FRMD6: variants seen among roughly 807,000 people sequenced by gnomAD.
The protein encoded by FRMD6 is FERM domain-containing protein 6.
A neutral mutation model predicts 73.2 loss-of-function variants in FRMD6; 37 were observed. The ratio of observed to expected loss-of-function variants is 0.51; its 90% CI spans 0.39 to 0.66. FRMD6 has a LOEUF of 0.66. FRMD6 is among the 30% of genes least tolerant of loss of function. The pLI is 0.00. For missense variants in FRMD6, 714 were observed against 780.5 expected, an observed-to-expected ratio of 0.91 and a Z score of 1.02; for synonymous variants, 273 against 282.2, an observed-to-expected ratio of 0.97 and a Z score of 0.33.
chr14:51,683,236 T>C (rs1305012720), intron 1 of FRMD6, among the ~76,000 whole-genome samples: 2 of 152,202 alleles, frequency 1.3e-5, no homozygotes, highest in Non-Finnish European at 2.9e-5. Flanking sequence ...GTTGTAGATA[T>C]TCCTTCTCAT....
chr14:51,609,036 A>G (rs1355434922), intron 2 of FRMD6, among the ~76,000 whole-genome samples: 1 of 152,084 alleles, frequency 6.6e-6, no homozygotes, highest in Admixed American at 6.5e-5. Context: ...TAAATTTTTG[A>G]TGTCATCAAT....
At chr14:51,512,635 GA>G (rs544273868) in intron 1 of FRMD6, among the ~76,000 whole-genome samples, 170 of 151,474 alleles carry the variant, frequency 1.1e-3, no homozygotes, top group Non-Finnish European at 2.0e-3. Flanking sequence ...TTTTGTGGGG[GA>G]TGGATAAAAA....
chr14:51,483,325 A>G, the FRMD6 span, among the ~76,000 whole-genome samples: 4 of 152,348 alleles, frequency 2.6e-5, no homozygotes, highest in Middle Eastern at 0.01. Flanking sequence ...TGGGGAGACC[A>G]GCAGTACACA....
intron 1 of FRMD6, among the ~76,000 whole-genome samples, chr14:51,663,770 G>A (rs1594686567): frequency 6.6e-6 from 1 of 152,154 alleles, no homozygotes; most frequent in African/African-American, 2.4e-5. Context: ...TTAAAAAAAG[G>A]AAGTTCATTT....
chr14:51,619,047 TC>T (rs1351635501), intron 2 of FRMD6, among the ~76,000 whole-genome samples: 3 of 151,954 alleles, frequency 2.0e-5, no homozygotes, highest in African/African-American at 7.2e-5. Flanking sequence ...GATTTAGAAT[TC>T]CCTTAACTGT....
chr14:51,418,269 G>A, the FRMD6 span, among the ~76,000 whole-genome samples: 1 of 152,116 alleles, frequency 6.6e-6, no homozygotes, highest in Admixed American at 6.6e-5. Flanking sequence ...TTCTGCTCTG[G>A]TTTCTCCCCA....
intron 1 of FRMD6, among the ~76,000 whole-genome samples, chr14:51,672,575 C>G (rs1407190923): frequency 6.6e-6 from 1 of 152,150 alleles, no homozygotes; most frequent in South Asian, 2.1e-4. Context: ...CACTAGGTGG[C>G]TGGTATTATT....
intron 1 of FRMD6, among the ~76,000 whole-genome samples, chr14:51,567,307 A>G (rs964081293): frequency 9.2e-5 from 14 of 152,212 alleles, no homozygotes; most frequent in African/African-American, 3.4e-4. Context: ...GGTTACCAGT[A>G]TGAGACTTCT....
At chr14:51,548,499 C>A (rs1432921186) in intron 1 of FRMD6, among the ~76,000 whole-genome samples, 1 of 152,150 alleles carries the variant, frequency 6.6e-6, no homozygotes, top group African/African-American at 2.4e-5. Flanking sequence ...GTAATTAGCT[C>A]TGGATCCCTT....
the FRMD6 span, among the ~76,000 whole-genome samples, chr14:51,480,127 A>G: frequency 1.3e-5 from 2 of 152,196 alleles, no homozygotes; most frequent in African/African-American, 4.8e-5. Context: ...AGCTATAATC[A>G]GGGCTTGGCT....
intron 1 of FRMD6, among the ~76,000 whole-genome samples, chr14:51,549,757 G>A (rs533503662): frequency 2.6e-5 from 4 of 151,928 alleles, no homozygotes; most frequent in South Asian, 4.2e-4. Flanking sequence ...CGCCTCGCCC[G>A]GCTAGTTTTT....
At chr14:51,522,004 G>A (rs183054208) in intron 1 of FRMD6, among the ~76,000 whole-genome samples, 48 of 152,090 alleles carry the variant, frequency 3.2e-4, no homozygotes, top group Non-Finnish European at 4.7e-4. Flanking sequence ...TGAAAATGTG[G>A]GTATAGAATG....
the FRMD6 span, among the ~76,000 whole-genome samples, chr14:51,457,618 C>T: frequency 6.6e-6 from 1 of 152,126 alleles, no homozygotes; most frequent in Non-Finnish European, 1.5e-5. Context: ...CTAAGATGCC[C>T]CAGTTATACA....
chr14:51,591,763 A>G, intron 2 of FRMD6, among the ~76,000 whole-genome samples: 1 of 152,094 alleles, frequency 6.6e-6, no homozygotes, highest in East Asian at 1.9e-4. Flanking sequence ...GGCTGGTCTC[A>G]AACTCCTGAC....
intron 2 of FRMD6, among the ~76,000 whole-genome samples, chr14:51,629,502 G>T (rs1292486966): frequency 6.6e-6 from 1 of 152,128 alleles, no homozygotes; most frequent in Admixed American, 6.5e-5. Context: ...GGTTCCAGTT[G>T]TTCCACATCC....
chr14:51,543,022 T>C (rs1270831580), intron 1 of FRMD6, among the ~76,000 whole-genome samples: 1 of 152,042 alleles, frequency 6.6e-6, no homozygotes, highest in Non-Finnish European at 1.5e-5. Flanking sequence ...AAATATTTTC[T>C]CCCATTCTAT....
chr14:51,658,440 C>G (rs1181197688), intron 1 of FRMD6, among the ~76,000 whole-genome samples: 1 of 152,062 alleles, frequency 6.6e-6, no homozygotes, highest in African/African-American at 2.4e-5. Context: ...CATAAATGAT[C>G]TAGGATGGAC....
At chr14:51,460,910 T>C in the FRMD6 span, among the ~76,000 whole-genome samples, 1 of 152,190 alleles carries the variant, frequency 6.6e-6, no homozygotes, top group Non-Finnish European at 1.5e-5. Context: ...ATTTTTCTTT[T>C]AGTAATTTAT....
intron 2 of FRMD6, among the ~76,000 whole-genome samples, chr14:51,693,790 G>A (rs1411807464): frequency 1.3e-5 from 2 of 152,156 alleles, no homozygotes; most frequent in African/African-American, 4.8e-5. Flanking sequence ...TCTAAGGTAG[G>A]ACACAAGCAT....
Sources: gnomAD v4.1 joint callset for allele counts (sites outside exome capture counted in the v4.1 genomes callset) on GRCh38, gnomAD v4.1.1 for gene constraint, MANE v1.5 for transcripts, NCBI Gene and HGNC (gene_info 2026-07-23, HGNC 2026-07-21) for gene names.